SNORC: variants seen among roughly 807,000 people sequenced by gnomAD.
SNORC encodes the protein protein SNORC.
SNORC carries 11 observed loss-of-function variants against 9.7 expected under a neutral mutation model. The ratio of observed to expected loss-of-function variants is 1.14; its 90% CI spans 0.72 to 1.88. The LOEUF (loss-of-function observed/expected upper bound fraction) is 1.88. SNORC is among the 40% of genes most tolerant of loss of function. The pLI is 0.00. For synonymous variants in SNORC, 108 were observed against 88.7 expected (o/e 1.22, Z -1.22); for missense variants, 197 against 173.1 (o/e 1.14, Z -0.77).
chr2:232,877,229 G>A (rs1365132148), downstream of SNORC: 1 of 985,368 alleles, frequency 1.0e-6, no homozygotes, highest in African/African-American at 1.7e-5. Context: ...CCACGCCCAC[G>A]GTTGGTTTGT....
At chr2:232,870,571 G>A (rs1261724524) in intron 1 of SNORC, among the ~76,000 whole-genome samples, 157 bp downstream of exon 1, 9 of 152,342 alleles carry the variant, frequency 5.9e-5, no homozygotes, top group Admixed American at 4.6e-4. Context: ...TTGTGAGGCC[G>A]GCTGGCAGCA....
chr2:232,867,500 AT>A (rs984084463), upstream of SNORC, among the ~76,000 whole-genome samples: 3 of 152,158 alleles, frequency 2.0e-5, no homozygotes, highest in African/African-American at 7.2e-5. Context: ...TGGTCTAAGT[AT>A]TTTTTTCTAC....
chr2:232,872,745 G>A (rs74807558), intron 1 of SNORC, among the ~76,000 whole-genome samples: 1,587 of 152,314 alleles, frequency 0.01, 32 homozygotes, highest in African/African-American at 0.036. Flanking sequence ...GACTCCTGCT[G>A]GGAAACTGCT....
chr2:232,873,968 G>A (rs879565319), intron 1 of SNORC, among the ~76,000 whole-genome samples: 1 of 152,228 alleles, frequency 6.6e-6, no homozygotes, highest in Admixed American at 6.5e-5. Flanking sequence ...TCCTGCCAGA[G>A]GTCTTTTCTG....
downstream of SNORC, chr2:232,878,635 A>C (rs1402443655): frequency 3.9e-5 from 6 of 152,534 alleles, no homozygotes; most frequent in Admixed American, 3.9e-4. Context: ...CTCCTCTCTC[A>C]CTACCTGGAA....
chr2:232,869,260 A>C (rs1440066040), upstream of SNORC, among the ~76,000 whole-genome samples: 1 of 152,124 alleles, frequency 6.6e-6, no homozygotes, highest in Non-Finnish European at 1.5e-5. Context: ...GAACATGCAA[A>C]GGCCTGAGGC....
At chr2:232,868,583 G>A (rs748024032), upstream of SNORC, among the ~76,000 whole-genome samples, 11 of 152,156 alleles carry the variant, frequency 7.2e-5, no homozygotes, top group Admixed American at 3.3e-4. Context: ...AATGCATCTC[G>A]CAGTGTCTTG....
chr2:232,871,886 C>T (rs548146375), intron 1 of SNORC, among the ~76,000 whole-genome samples: 1 of 152,270 alleles, frequency 6.6e-6, no homozygotes, highest in East Asian at 1.9e-4. Flanking sequence ...GTGGCTGACC[C>T]TCCTGGCCCA....
chr2:232,874,489 G>T (rs75369708), intron 1 of SNORC, among the ~76,000 whole-genome samples: 1 of 152,114 alleles, frequency 6.6e-6, no homozygotes, highest in Non-Finnish European at 1.5e-5. Context: ...GGAACCTTTC[G>T]GCCTTTCTTT....
chr2:232,877,057 A>G, downstream of SNORC: 1 of 985,664 alleles, frequency 1.0e-6, no homozygotes, highest in South Asian at 4.7e-5. Flanking sequence ...CTTGACTCTG[A>G]GTCCTGCAGC....
At chr2:232,872,298 A>G (rs913932408) in intron 1 of SNORC, among the ~76,000 whole-genome samples, 2 of 151,976 alleles carry the variant, frequency 1.3e-5, no homozygotes, top group Non-Finnish European at 2.9e-5. Flanking sequence ...TCAGCTACTG[A>G]GGTGGGAGCA....
downstream of SNORC, chr2:232,876,481 C>T: frequency 1.2e-5 from 16 of 1,349,564 alleles, no homozygotes; most frequent in Non-Finnish European, 1.4e-5. This position sits in a 1 kb window ranked among gnomAD's most constrained non-coding sequence, Gnocchi z 6.8. Flanking sequence ...CAGGCGAGCG[C>T]TCAGGGCGGG....
chr2:232,873,359 G>C (rs1408401449), intron 1 of SNORC, among the ~76,000 whole-genome samples: 1 of 151,956 alleles, frequency 6.6e-6, no homozygotes, highest in Non-Finnish European at 1.5e-5. Context: ...GACAGGCTGG[G>C]TCACGGGGGA....
chr2:232,876,942 G>A, downstream of SNORC: 1 of 985,456 alleles, frequency 1.0e-6, no homozygotes. This position sits in a 1 kb window ranked among gnomAD's most constrained non-coding sequence, Gnocchi z 6.8. Context: ...TAGGGCAGGA[G>A]AGGCCGACAG....
At chr2:232,871,507 T>G (rs930370526) in intron 1 of SNORC, among the ~76,000 whole-genome samples, 6 of 152,112 alleles carry the variant, frequency 3.9e-5, no homozygotes, top group Non-Finnish European at 5.9e-5. Context: ...GTGCGGAGCT[T>G]TTGGGATGGG....
chr2:232,870,058 G>A (rs934610851), upstream of SNORC, among the ~76,000 whole-genome samples: 2 of 152,086 alleles, frequency 1.3e-5, no homozygotes, highest in African/African-American at 4.8e-5. Context: ...GTGTGTTGCG[G>A]GGTGGAGAAA....
chr2:232,870,201 G>A (rs1030880507), upstream of SNORC: 6 of 742,236 alleles, frequency 8.1e-6, no homozygotes, highest in Admixed American at 2.1e-5. Context: ...GGGGAGGTGC[G>A]GGCACGATGT....
downstream of SNORC, chr2:232,876,955 AC>A: frequency 1.0e-6 from 1 of 984,540 alleles, no homozygotes; most frequent in Non-Finnish European, 1.2e-6. The surrounding 1 kb of genome is among the most constrained non-coding windows in gnomAD (Gnocchi z 6.8). Flanking sequence ...GCCGACAGAG[AC>A]CCCGGGGCCC....
At chr2:232,876,688 G>T, downstream of SNORC, 3 of 996,164 alleles carry the variant, frequency 3.0e-6, no homozygotes, top group Non-Finnish European at 3.6e-6. This position sits in a 1 kb window ranked among gnomAD's most constrained non-coding sequence, Gnocchi z 6.8. Context: ...CCTCAGGAGC[G>T]CGCCGCATGT....
Sources: gnomAD v4.1 joint callset for allele counts (sites outside exome capture counted in the v4.1 genomes callset) on GRCh38, gnomAD v4.1.1 for gene constraint, Gnocchi (gnomAD v3.1) non-coding constraint, MANE v1.5 for transcripts, NCBI Gene and HGNC (gene_info 2026-07-23, HGNC 2026-07-21) for gene names.